Variants in PEBP4 observed in about 807,000 individuals in gnomAD.
PEBP4 encodes phosphatidylethanolamine binding protein 4.
Under a neutral mutation model 23.9 loss-of-function variants are expected in PEBP4, and 22 were observed. That is an observed-to-expected ratio of 0.92 (90% CI 0.66 to 1.31). The LOEUF (loss-of-function observed/expected upper bound fraction) is 1.31, where lower values mean the gene tolerates loss of function less well. Ranked by LOEUF, PEBP4 falls within the 40% of genes most tolerant of loss-of-function variation. PEBP4 has a pLI of 0.00. For synonymous variants in PEBP4, 112 were observed against 99.3 expected, an observed-to-expected ratio of 1.13 and a Z score of -0.76; for missense variants, 324 against 281.7, an observed-to-expected ratio of 1.15 and a Z score of -1.07.
intron 4 of PEBP4, among the ~76,000 whole-genome samples, chr8:22,799,190 C>G (rs1408082639): frequency 2.6e-5 from 4 of 152,200 alleles, no homozygotes; most frequent in South Asian, 4.1e-4. Context: ...TGACCTCCCC[C>G]TCCTGCCGTC....
intron 4 of PEBP4, among the ~76,000 whole-genome samples, chr8:22,749,920 C>T (rs1341056062): frequency 6.6e-6 from 1 of 150,406 alleles, no homozygotes; most frequent in African/African-American, 2.4e-5. Flanking sequence ...GATTCTCCTG[C>T]CTCAGCCTCC....
intron 3 of PEBP4, among the ~76,000 whole-genome samples, chr8:22,836,121 C>G (rs1807199983): frequency 6.6e-6 from 1 of 152,212 alleles, no homozygotes; most frequent in South Asian, 2.1e-4. Context: ...GGGCAAGTTG[C>G]CTAAACTCTC....
intron 4 of PEBP4, among the ~76,000 whole-genome samples, chr8:22,744,397 CAT>C (rs1261439818): frequency 2.0e-5 from 3 of 152,200 alleles, no homozygotes; most frequent in Non-Finnish European, 4.4e-5. Context: ...CACAGGCCAC[CAT>C]GACAGGGTCT....
chr8:22,803,865 T>C lies in PEBP4; in HGVS notation c.357+13772A>G, dbSNP rs60942899. Among the ~76,000 whole-genome samples, 1,431 of 152,232 alleles carry C rather than the reference T, an allele frequency of 9.4e-3. 23 individuals carry two copies. Among genetic ancestry groups the C allele is most frequent in the African/African-American group, 0.033 (1,353 of 41,540 alleles). On this transcript the variant is annotated intron_variant, in intron 4 of 6. Transcript: ENST00000256404. The stretch of plus-strand genomic sequence containing the variant: ...CCTTCACCCTCCACGTCTAATTCAT[T>C]GGCACGTCCTGTTGGCTCTCAACCT...
chr8:22,772,501 T>G (rs1200273637), intron 4 of PEBP4, among the ~76,000 whole-genome samples: 27 of 149,910 alleles, frequency 1.8e-4, no homozygotes, highest in African/African-American at 6.7e-4. Flanking sequence ...CTCTTTTTTT[T>G]TTTTTTTTTT....
intron 5 of PEBP4, among the ~76,000 whole-genome samples, chr8:22,725,787 A>AGGATGTT (rs937983618): frequency 2.2e-4 from 33 of 152,222 alleles, no homozygotes; most frequent in African/African-American, 7.7e-4. Flanking sequence ...ATTTGCAATG[A>AGGATGTT]GGATGTTGGT....
chr8:22,792,598 A>T (rs1303801677), intron 4 of PEBP4, among the ~76,000 whole-genome samples: 1 of 151,900 alleles, frequency 6.6e-6, no homozygotes, highest in African/African-American at 2.4e-5. Flanking sequence ...TGTGTGATTC[A>T]CCCAGTGCTT....
intron 3 of PEBP4, among the ~76,000 whole-genome samples, chr8:22,819,885 C>T (rs985571085): frequency 3.9e-5 from 6 of 152,146 alleles, no homozygotes; most frequent in South Asian, 2.1e-4. Context: ...GAATTACAGG[C>T]GTGAGCCACC....
chr8:22,804,323 C>A (rs1167556611), intron 4 of PEBP4, among the ~76,000 whole-genome samples: 1 of 151,998 alleles, frequency 6.6e-6, no homozygotes, highest in African/African-American at 2.4e-5. Flanking sequence ...AGAATGAGAC[C>A]CTGTCTCCTG....
intron 4 of PEBP4, among the ~76,000 whole-genome samples, chr8:22,769,593 G>A (rs1473549106): frequency 6.6e-6 from 1 of 152,190 alleles, no homozygotes; most frequent in East Asian, 1.9e-4. Flanking sequence ...ATAGAACAGG[G>A]CCTTTCCCCA....
rs927288251 is a variant in PEBP4 at position 22,777,661 on chromosome 8, G to A, written c.357+39976C>T. Among the ~76,000 whole-genome samples the A allele has an allele frequency of 2.6e-5, 4 of 152,292 alleles. No homozygotes were observed. In the South Asian group the frequency reaches 6.2e-4, roughly 24 times the overall value. ...ACGGCACTCCTGTTGCCCCAGAGCC[G>A]GGGGTGGTGGCTGGGGCACCGGGAA... On this transcript the variant is annotated intron_variant, in intron 4 of 6. Transcript: ENST00000256404.
rs776807286 is a variant in PEBP4, at chr8:22,920,191, GC to G, written c.250del (p.Ala84ProfsTer10). The G allele has an allele frequency of 2.6e-5, 42 of 1,610,908 alleles. No homozygotes were observed. Among genetic ancestry groups the G allele is most frequent in the Non-Finnish European group, 3.6e-5 (42 of 1,177,918 alleles). ...WMEPIVKFPG[A>X]VDGATYILVM... Reference sequence around the variant, plus strand: ...ACAGCCCTGCTCACTCACGTCCACGGCCCCCGGGAACTTGACTATCGGCTCC... The same window carrying G: ...ACAGCCCTGCTCACTCACGTCCACGGCCCCGGGAACTTGACTATCGGCTCC... On this transcript the variant is annotated frameshift_variant, in exon 3 of 7. Coordinates refer to ENST00000256404, the MANE Select transcript of PEBP4 (RefSeq NM_144962.3). LOFTEE classifies it high-confidence loss of function.
intron 1 of PEBP4, among the ~76,000 whole-genome samples, chr8:22,934,065 A>G (rs1450045791): frequency 2.0e-5 from 3 of 152,152 alleles, no homozygotes; most frequent in African/African-American, 7.2e-5. Flanking sequence ...GTTCTCATGG[A>G]ACTAATAAAG....
At chr8:22,764,543 G>A (rs1432475226) in intron 4 of PEBP4, among the ~76,000 whole-genome samples, 2 of 152,124 alleles carry the variant, frequency 1.3e-5, no homozygotes, top group African/African-American at 2.4e-5. Flanking sequence ...TGCTTTGAAG[G>A]CCTTTATGTA....
intron 2 of PEBP4, among the ~76,000 whole-genome samples, chr8:22,923,802 C>A (rs1321223429): frequency 6.6e-6 from 1 of 152,104 alleles, no homozygotes; most frequent in Non-Finnish European, 1.5e-5. Flanking sequence ...TTCCCTTCCC[C>A]CATGTGAAGT....
At chr8:22,917,751 G>T (rs894529123) in intron 3 of PEBP4, among the ~76,000 whole-genome samples, 7 of 152,130 alleles carry the variant, frequency 4.6e-5, no homozygotes, top group African/African-American at 1.7e-4. Flanking sequence ...AGCTGTAGAG[G>T]GTCACTGCTA....
chr8:22,936,964 A>G (rs1432840526), intron 1 of PEBP4, among the ~76,000 whole-genome samples: 1 of 152,228 alleles, frequency 6.6e-6, no homozygotes, highest in Non-Finnish European at 1.5e-5. Context: ...GATAAAGGCC[A>G]TATACAAAAA....
chr8:22,743,969 G>C (rs1022809126), intron 4 of PEBP4, among the ~76,000 whole-genome samples: 2 of 152,202 alleles, frequency 1.3e-5, no homozygotes, highest in East Asian at 1.9e-4. Flanking sequence ...TTGGCTTCTC[G>C]GAGCTTGGTG....
intron 3 of PEBP4, among the ~76,000 whole-genome samples, chr8:22,900,270 C>G (rs1348630169): frequency 6.6e-6 from 1 of 152,034 alleles, no homozygotes; most frequent in African/African-American, 2.4e-5. Flanking sequence ...TTAGTGAGCA[C>G]CTACTACGGA....
Sources: gnomAD v4.1 joint callset for allele counts (sites outside exome capture counted in the v4.1 genomes callset) on GRCh38, gnomAD v4.1.1 for gene constraint, MANE v1.5 for transcripts, NCBI Gene and HGNC (gene_info 2026-07-23, HGNC 2026-07-21) for gene names.